The following HYAL4 variants were observed in gnomAD, a reference collection of about 807,000 sequenced individuals.
The protein encoded by HYAL4 is hyaluronidase 4, also known as hyaluronidase-4.
Under a neutral mutation model 35.2 loss-of-function variants are expected in HYAL4, and 37 were observed. The observed-to-expected ratio is 1.05, with a 90% CI of 0.81 to 1.38. The LOEUF (loss-of-function observed/expected upper bound fraction) is 1.38. Among genes scored for constraint, HYAL4 ranks in the 40% most tolerant of loss-of-function variants. HYAL4 has a pLI of 0.00. For missense variants in HYAL4, 572 were observed against 572.4 expected (o/e 1.00, Z 0.01); for synonymous variants, 198 against 203.2 (o/e 0.97, Z 0.22).
the HYAL4 span, among the ~76,000 whole-genome samples, chr7:123,798,158 T>C: frequency 6.6e-5 from 10 of 152,190 alleles, no homozygotes; most frequent in African/African-American, 2.4e-4. Flanking sequence ...AGGAATTTTG[T>C]AATTGGACAC....
chr7:123,850,375 G>A (rs948809852), intron 2 of HYAL4, among the ~76,000 whole-genome samples: 2 of 152,186 alleles, frequency 1.3e-5, no homozygotes, highest in South Asian at 4.1e-4. Flanking sequence ...CTGAGTATCT[G>A]GAACCACAGG....
At chr7:123,864,537 G>T (rs1806645262) in intron 2 of HYAL4, among the ~76,000 whole-genome samples, 1 of 152,122 alleles carries the variant, frequency 6.6e-6, no homozygotes. Flanking sequence ...GGTTGCTATT[G>T]CTGGTGATAT....
intron 2 of HYAL4, among the ~76,000 whole-genome samples, chr7:123,860,817 C>G (rs1459571394): frequency 1.3e-5 from 2 of 152,130 alleles, no homozygotes; most frequent in African/African-American, 4.8e-5. Flanking sequence ...TAGGAATGTA[C>G]TCTTTCTTCA....
intron 2 of HYAL4, among the ~76,000 whole-genome samples, chr7:123,855,918 A>G (rs1475514483): frequency 1.3e-5 from 2 of 151,152 alleles, no homozygotes; most frequent in African/African-American, 4.9e-5. Context: ...TTTTTCTCTA[A>G]TCTTGTCTTC....
the HYAL4 span, among the ~76,000 whole-genome samples, chr7:123,778,459 C>G: frequency 6.6e-6 from 1 of 151,892 alleles, no homozygotes; most frequent in Non-Finnish European, 1.5e-5. Context: ...TTCCTGTAAT[C>G]AAGAACAGTT....
rs188789475 is a variant in HYAL4, at chr7:123,868,798, A to C, written c.525A>C (p.Gly175=). 2.6e-5 allele frequency: 42 copies of C among 1,614,250 alleles called. 1 individual carries two copies. In the Admixed American group the frequency reaches 4.7e-4, roughly 18 times the overall value. ...QKSRKLISDM[G]KNVSATDIEY... is the part of the protein sequence containing the mutation. ...CAAGAAAGCTTATTTCCGATATGGG[A>C]AAGAATGTATCAGCTACCGATATTG... is the stretch of plus-strand genomic sequence containing the variant. The change falls in exon 3 of 5, where the codon GGA becomes GGC. Residue 175 remains glycine (G), a synonymous_variant. Transcript: ENST00000223026.
the HYAL4 span, among the ~76,000 whole-genome samples, chr7:123,794,673 T>C: frequency 1.1e-4 from 16 of 152,230 alleles, no homozygotes; most frequent in Admixed American, 3.9e-4. Context: ...AGTCAAGAAC[T>C]GAGATTTGGA....
intron 1 of HYAL4, 159 bp from the exon 2 acceptor site, chr7:123,847,930 G>A (rs1405828169): frequency 6.6e-6 from 1 of 152,360 alleles, no homozygotes. Context: ...TTAAGTTAGT[G>A]AATTTAAACT....
intron 4 of HYAL4, among the ~76,000 whole-genome samples, chr7:123,875,051 T>C (rs916866623): frequency 7.2e-5 from 11 of 152,194 alleles, no homozygotes; most frequent in African/African-American, 2.4e-4. Context: ...GATGAATATT[T>C]ATGATGCGCT....
At chr7:123,816,270 C>G in the HYAL4 span, among the ~76,000 whole-genome samples, 1,448 of 152,254 alleles carry the variant, frequency 9.5e-3, 24 homozygotes, top group African/African-American at 0.033. Flanking sequence ...TACAGCAAAT[C>G]CTTCTTTCAA....
At chr7:123,867,916 A>AT (rs1219413671) in intron 2 of HYAL4, among the ~76,000 whole-genome samples, 1 of 152,204 alleles carries the variant, frequency 6.6e-6, no homozygotes, top group Non-Finnish European at 1.5e-5. Context: ...TTGCAAAATG[A>AT]TGGTAAATAT....
chr7:123,865,492 G>A (rs145085201), intron 2 of HYAL4, among the ~76,000 whole-genome samples: 1 of 152,246 alleles, frequency 6.6e-6, no homozygotes, highest in South Asian at 2.1e-4. Context: ...TATATTTCAT[G>A]CTACTAAGTG....
chr7:123,846,182 A>G (rs981310053), intron 1 of HYAL4, among the ~76,000 whole-genome samples: 7 of 152,182 alleles, frequency 4.6e-5, no homozygotes, highest in African/African-American at 9.7e-5. Flanking sequence ...TAGGGGCATC[A>G]GGCAGTGGGC....
Position 123,874,812 on chromosome 7 carries a change from AT to A in HYAL4, c.1008del (p.Ile336MetfsTer7). On this transcript the variant is annotated frameshift_variant, in exon 4 of 5. Coordinates refer to ENST00000223026, the MANE Select transcript of HYAL4 (RefSeq NM_012269.3). LOFTEE classifies it low-confidence loss of function (END_TRUNC). ...AAGTGCTGCCTTGGGAGCTGCAGGCATTGTTATTTGGGGAGACATGAATTTA... is the reference window on the plus strand; with the variant it reads ...AAGTGCTGCCTTGGGAGCTGCAGGCATGTTATTTGGGGAGACATGAATTTA... ...GESAALGAAG[I>X]VIWGDMNLTA... The A allele has an allele frequency of 6.2e-7, 1 of 1,610,062 alleles. No individual in the cohort carries two copies. The highest frequency in any genetic ancestry group is 1.1e-5 in the South Asian group (1 of 91,000).
chr7:123,794,492 C>G, the HYAL4 span, among the ~76,000 whole-genome samples: 1 of 152,200 alleles, frequency 6.6e-6, no homozygotes, highest in Non-Finnish European at 1.5e-5. Context: ...AGGCCCATCC[C>G]CTGACCCCCT....
the HYAL4 span, among the ~76,000 whole-genome samples, chr7:123,782,655 C>T: frequency 6.6e-6 from 1 of 152,040 alleles, no homozygotes. Context: ...TCAGTATGGA[C>T]AGTAAGTTTC....
the HYAL4 span, among the ~76,000 whole-genome samples, chr7:123,795,005 C>G: frequency 4.6e-5 from 7 of 152,382 alleles, no homozygotes; most frequent in South Asian, 1.5e-3. Context: ...AGGGGCTAAG[C>G]TGCCCAAGGC....
chr7:123,786,645 C>T, the HYAL4 span, among the ~76,000 whole-genome samples: 1 of 151,930 alleles, frequency 6.6e-6, no homozygotes, highest in African/African-American at 2.4e-5. Flanking sequence ...GGGGTAGTTG[C>T]TTTGTCTGCC....
the HYAL4 span, among the ~76,000 whole-genome samples, chr7:123,807,247 T>G: frequency 6.6e-6 from 1 of 152,160 alleles, no homozygotes; most frequent in African/African-American, 2.4e-5. Context: ...GTATCAAGTC[T>G]GCTTTAATCA....
Sources: gnomAD v4.1 joint callset for allele counts (sites outside exome capture counted in the v4.1 genomes callset) on GRCh38, gnomAD v4.1.1 for gene constraint, MANE v1.5 for transcripts, NCBI Gene and HGNC (gene_info 2026-07-23, HGNC 2026-07-21) for gene names.